The following LOC128092252 variants were observed in gnomAD, a reference collection of about 807,000 sequenced individuals.
the LOC128092252 span, among the ~76,000 whole-genome samples, chr15:50,655,249 CA>C: frequency 6.6e-6 from 1 of 151,378 alleles, no homozygotes; most frequent in Non-Finnish European, 1.5e-5. Flanking sequence ...CCCTGACCAT[CA>C]AGGTAAAATC....
the LOC128092252 span, among the ~76,000 whole-genome samples, chr15:50,671,019 G>A: frequency 1.3e-5 from 2 of 152,000 alleles, no homozygotes; most frequent in African/African-American, 2.4e-5. Context: ...TGGCTAAATC[G>A]AGCTAATTAT....
the LOC128092252 span, among the ~76,000 whole-genome samples, chr15:50,667,519 C>A: frequency 6.6e-6 from 1 of 152,098 alleles, no homozygotes; most frequent in East Asian, 1.9e-4. Context: ...CCAGCCTGGC[C>A]GACATGTAAA....
chr15:50,652,159 C>T, the LOC128092252 span, among the ~76,000 whole-genome samples: 33 of 150,818 alleles, frequency 2.2e-4, no homozygotes, highest in Admixed American at 3.3e-4. Flanking sequence ...ATGGTGAAAT[C>T]CTGTCTCTAC....
chr15:50,679,101 TGACCTGGTGATCCACCCGCC>T, the LOC128092252 span, among the ~76,000 whole-genome samples: 27 of 150,410 alleles, frequency 1.8e-4, 4 homozygotes, highest in African/African-American at 5.9e-4. Context: ...CTCGATCTCT[TGACCTGGTGATCCACCCGCC>T]TCAGCCTTCC....
At chr15:50,675,095 C>T in the LOC128092252 span, among the ~76,000 whole-genome samples, 2 of 152,198 alleles carry the variant, frequency 1.3e-5, no homozygotes, top group East Asian at 3.8e-4. Flanking sequence ...GTTATCCCAA[C>T]ACTTTGGGAA....
At chr15:50,684,083 C>T in the LOC128092252 span, among the ~76,000 whole-genome samples, 2 of 151,850 alleles carry the variant, frequency 1.3e-5, no homozygotes, top group African/African-American at 2.4e-5. Context: ...AACTCCTGAC[C>T]TCAAGTGATC....
the LOC128092252 span, among the ~76,000 whole-genome samples, chr15:50,674,750 T>C: frequency 1.3e-5 from 2 of 152,156 alleles, no homozygotes; most frequent in African/African-American, 2.4e-5. Flanking sequence ...TCTGGGAAAA[T>C]CTTCAAATCT....
chr15:50,656,752 C>T, the LOC128092252 span, among the ~76,000 whole-genome samples: 1 of 152,104 alleles, frequency 6.6e-6, no homozygotes, highest in African/African-American at 2.4e-5. Context: ...ACCTTCTCTT[C>T]TTCCTCTTAT....
At chr15:50,648,973 T>C in the LOC128092252 span, 3 of 977,584 alleles carry the variant, frequency 3.1e-6, no homozygotes, top group Admixed American at 3.4e-5. Flanking sequence ...CCGACAAATA[T>C]AAGCTTTAAA....
the LOC128092252 span, among the ~76,000 whole-genome samples, chr15:50,679,532 ATATATATT>A: frequency 2.1e-4 from 7 of 33,382 alleles, no homozygotes; most frequent in Non-Finnish European, 3.3e-4. Flanking sequence ...ATATATATAT[ATATATATT>A]TTTTTTTTTT....
chr15:50,649,600 A>C, the LOC128092252 span, among the ~76,000 whole-genome samples: 7 of 152,316 alleles, frequency 4.6e-5, no homozygotes, highest in Admixed American at 3.9e-4. Flanking sequence ...TTCCACGTAT[A>C]CAAAATTCAA....
chr15:50,658,247 C>T, the LOC128092252 span, among the ~76,000 whole-genome samples: 4 of 152,002 alleles, frequency 2.6e-5, no homozygotes, highest in African/African-American at 9.7e-5. Context: ...CCTTGTGATC[C>T]ACCTGCCTCG....
At chr15:50,651,755 T>C in the LOC128092252 span, among the ~76,000 whole-genome samples, 18 of 152,188 alleles carry the variant, frequency 1.2e-4, no homozygotes, top group African/African-American at 4.3e-4. Flanking sequence ...CTGGGCGTCG[T>C]GGCAGTCGCC....
At chr15:50,668,195 ACT>A in the LOC128092252 span, among the ~76,000 whole-genome samples, 5 of 152,060 alleles carry the variant, frequency 3.3e-5, no homozygotes, top group African/African-American at 1.2e-4. Context: ...AACTTTGGAG[ACT>A]CTAACATTAG....
the LOC128092252 span, among the ~76,000 whole-genome samples, chr15:50,656,499 C>CTTTT: frequency 6.0e-5 from 8 of 133,510 alleles, no homozygotes; most frequent in African/African-American, 2.2e-4. Context: ...GTGTGGTTTT[C>CTTTT]TTTTTTTTTT....
chr15:50,679,538 A>ATTTTTT, the LOC128092252 span, among the ~76,000 whole-genome samples: 1 of 43,900 alleles, frequency 2.3e-5, no homozygotes, highest in African/African-American at 1.1e-4. Context: ...ATATATATAT[A>ATTTTTT]TTTTTTTTTT....
the LOC128092252 span, among the ~76,000 whole-genome samples, chr15:50,677,738 C>CAAAAAAAAA: frequency 2.9e-4 from 11 of 38,166 alleles, no homozygotes; most frequent in African/African-American, 5.3e-4. Flanking sequence ...GACCCCGTAT[C>CAAAAAAAAA]AAAAAAAAAA....
chr15:50,669,967 T>G, the LOC128092252 span, among the ~76,000 whole-genome samples: 1 of 152,196 alleles, frequency 6.6e-6, no homozygotes, highest in African/African-American at 2.4e-5. Context: ...TACATTGCTG[T>G]TGTACTCTTT....
chr15:50,679,329 T>C, the LOC128092252 span, among the ~76,000 whole-genome samples: 1 of 139,252 alleles, frequency 7.2e-6, no homozygotes, highest in Non-Finnish European at 1.6e-5. Flanking sequence ...AGCAAAACAC[T>C]ATCCAAAAAA....
Sources: allele counts gnomAD v4.1 joint callset (sites outside exome capture counted in the v4.1 genomes callset), GRCh38; gene constraint gnomAD v4.1.1; transcripts MANE v1.5.